The following DELE1 variants were observed in gnomAD, a reference collection of about 807,000 sequenced individuals.
DELE1 encodes death ligand signal enhancer.
A neutral mutation model predicts 59.3 loss-of-function variants in DELE1; 54 were observed. The ratio of observed to expected loss-of-function variants is 0.91; its 90% CI spans 0.73 to 1.14. The LOEUF is 1.14. DELE1 is among the 50% of genes most tolerant of loss of function. The pLI is 0.00. For missense variants in DELE1, 636 were observed against 643.9 expected (o/e 0.99, Z 0.13); for synonymous variants, 264 against 259.1 (o/e 1.02, Z -0.18).
chr5:141,937,834 T>C (rs1023511390), intron 11 of DELE1, among the ~76,000 whole-genome samples: 2 of 150,676 alleles, frequency 1.3e-5, no homozygotes, highest in Admixed American at 6.6e-5. Flanking sequence ...TTTTTTTTGT[T>C]TTTTTTTGAG....
chr5:141,934,742 G>A (rs976176336), intron 10 of DELE1, 156 bp downstream of exon 10: 8 of 694,344 alleles, frequency 1.2e-5, no homozygotes, highest in East Asian at 2.7e-5. Flanking sequence ...CTGTGTGACC[G>A]TTGGGCAGTT....
Position 141,936,775 on chromosome 5 carries a change from G to A in DELE1, c.1150-423G>A, listed in dbSNP as rs536417189. 1.5e-5 allele frequency: 10 copies of A among 670,208 alleles called. No homozygotes were observed. In the South Asian group the frequency reaches 6.7e-4, roughly 45 times the overall value. The allele number at this position is 670,208 out of a possible 1,614,324, so 41.5% of individuals were successfully genotyped here. A position where few individuals can be genotyped will look rare whatever the true frequency, so the allele number is the denominator to read the frequency against. ...AGGAGAAGAGTTTCCTTTTCTGTCA[G>A]CCCTCCCAGGCAGAGATTCAGGAAG... is the stretch of plus-strand genomic sequence containing the variant. On this transcript the variant is annotated intron_variant, in intron 10 of 11. Coordinates refer to ENST00000432126, the MANE Select transcript of DELE1 (RefSeq NM_014773.5).
At chr5:141,924,105 C>A in intron 1 of DELE1, 133 bp downstream of exon 1, 1 of 1,211,308 alleles carries the variant, frequency 8.3e-7, no homozygotes, top group Non-Finnish European at 1.2e-6. Flanking sequence ...TGAAAGAGGG[C>A]GGGGAAGTCA....
At position 141,929,692 on chromosome 5, in the gene DELE1, TCA is replaced by T; in HGVS notation, c.528_529del (p.His176GlnfsTer13). ...AGCCTCAGCTCAGCCCCGGAACTTC[TCA>T]CACAACTCTTTGAGAGGAGCTCGTC... The part of the protein sequence containing the change: ...EEASAQPRNF[S>X]HNSLRGARPQ... On this transcript the variant is annotated frameshift_variant, in exon 5 of 12. Transcript: ENST00000432126. LOFTEE classifies it high-confidence loss of function. 1 of 1,614,140 alleles carries T rather than the reference TCA, an allele frequency of 6.2e-7. No homozygotes were observed. Among genetic ancestry groups the T allele is most frequent in the East Asian group, 2.2e-5 (1 of 44,872 alleles).
intron 1 of DELE1, 111 bp downstream of exon 1, chr5:141,924,083 G>C: frequency 7.1e-7 from 1 of 1,408,048 alleles, no homozygotes; most frequent in South Asian, 1.2e-5. Context: ...TAGAGCCAAG[G>C]AAGGCGGGGC....
At chr5:141,929,765 G>A (rs761254815) in intron 5 of DELE1, 25 bp downstream of exon 5, 2 of 1,612,838 alleles carry the variant, frequency 1.2e-6, no homozygotes, top group Non-Finnish European at 1.7e-6. Flanking sequence ...CATGGAATCA[G>A]CAGAAGGCAG....
intron 10 of DELE1, among the ~76,000 whole-genome samples, chr5:141,935,727 A>G (rs1020622228): frequency 3.4e-5 from 5 of 148,846 alleles, no homozygotes; most frequent in African/African-American, 1.3e-4. Flanking sequence ...GTGCAGGGCA[A>G]GACTGGGCAT....
At chr5:141,933,997 G>A in intron 8 of DELE1, 1 of 344,474 alleles carries the variant, frequency 2.9e-6, no homozygotes, top group South Asian at 5.7e-5. Flanking sequence ...ATATATGTGA[G>A]AAGATATTTG....
chr5:141,937,291 TC>T lies in DELE1; in HGVS notation c.1244del (p.Ser415Ter). ...LGEALRCYQQ[S>X]AALGNEAAQE... ...AGAGGCCTTGAGATGTTACCAGCAG[TC>T]AGCCGCTCTGGGAAATGAGGCCGCC... On this transcript the variant is annotated frameshift_variant, in exon 11 of 12. Coordinates refer to ENST00000432126, the MANE Select transcript of DELE1 (RefSeq NM_014773.5). LOFTEE classifies it high-confidence loss of function. 6.2e-7 allele frequency: 1 copy of T among 1,614,180 alleles called. No individual in the cohort carries two copies. The highest frequency in any genetic ancestry group is 8.5e-7 in the Non-Finnish European group (1 of 1,180,034).
intron 1 of DELE1, 98 bp downstream of exon 1, chr5:141,924,070 G>C (rs1304114096): frequency 6.7e-7 from 1 of 1,485,788 alleles, no homozygotes; most frequent in Non-Finnish European, 9.2e-7. Flanking sequence ...TCGTGGGCCG[G>C]GTTAGAGCCA....
At chr5:141,931,535 A>G (rs1455031517) in intron 7 of DELE1, among the ~76,000 whole-genome samples, 2 of 152,286 alleles carry the variant, frequency 1.3e-5, no homozygotes, top group African/African-American at 4.8e-5. Context: ...CCGGGGGGAA[A>G]AAGGAGACGA....
rs1752677010 is a variant in DELE1, at chr5:141,940,526, C to T, written c.*1767C>T. The T allele has an allele frequency of 4.1e-6, 4 of 985,302 alleles. No homozygotes were observed. Among genetic ancestry groups the T allele is most frequent in the African/African-American group, 3.5e-5 (2 of 57,230 alleles). 61.0% of individuals were successfully genotyped at this position (985,302 alleles called of 1,614,324 possible). A position where few individuals can be genotyped will look rare whatever the true frequency, so the allele number is the denominator to read the frequency against. On this transcript the variant is annotated 3_prime_UTR_variant, in exon 12 of 12. Coordinates refer to ENST00000432126, the MANE Select transcript of DELE1 (RefSeq NM_014773.5). ...AGATTTGAGGGGGGAAAGTTGTCCACGTTTCCCTCTCTGCTTCCCACCCCA... is the reference window on the plus strand; with the variant it reads ...AGATTTGAGGGGGGAAAGTTGTCCATGTTTCCCTCTCTGCTTCCCACCCCA...
chr5:141,940,566 T>C lies in DELE1; in HGVS notation c.*1807T>C, dbSNP rs1198359064. ...TTCCCACCCCATCTCTCTCAACTTCTTAGTGGTCCTGCCATACTTTCCTAG... is the reference window on the plus strand; with the variant it reads ...TTCCCACCCCATCTCTCTCAACTTCCTAGTGGTCCTGCCATACTTTCCTAG... On this transcript the variant is annotated 3_prime_UTR_variant, in exon 12 of 12. Transcript: ENST00000432126. 1 of 985,404 alleles carries C rather than the reference T, an allele frequency of 1.0e-6. No individual in the cohort carries two copies. The highest frequency in any genetic ancestry group is 1.2e-6 in the Non-Finnish European group (1 of 829,974). The allele number at this position is 985,404 out of a possible 1,614,324, so 61.0% of individuals were successfully genotyped here.
At chr5:141,929,889 A>G (rs1370769662) in intron 5 of DELE1, 100 bp from the exon 6 acceptor site, 9 of 1,513,830 alleles carry the variant, frequency 5.9e-6, no homozygotes, top group Non-Finnish European at 8.2e-6. Context: ...GGTTCCTGGC[A>G]AGGGTGCTGG....
chr5:141,933,778 G>A (rs1752130753), intron 8 of DELE1: 1 of 158,566 alleles, frequency 6.3e-6, no homozygotes, highest in African/African-American at 2.4e-5. Context: ...ATGGAAAACT[G>A]GTTAATTACA....
chr5:141,925,401 A>G lies in DELE1; in HGVS notation c.147-9A>G, dbSNP rs759013281. 3 of 1,548,922 alleles carry G rather than the reference A, an allele frequency of 1.9e-6. No individual in the cohort carries two copies. Among genetic ancestry groups the G allele is most frequent in the Non-Finnish European group, 2.6e-6 (3 of 1,145,154 alleles). On this transcript the variant is annotated splice_polypyrimidine_tract_variant and intron_variant, in intron 2 of 11. Coordinates refer to ENST00000432126, the MANE Select transcript of DELE1 (RefSeq NM_014773.5). The stretch of plus-strand genomic sequence containing the variant: ...CCCCTACTTGATAGCCTCTTATTTC[A>G]TCATCTAGGTCAGGTCCCCATGGCC...
At chr5:141,927,933 G>A (rs1751550856) in intron 3 of DELE1, among the ~76,000 whole-genome samples, 1 of 149,752 alleles carries the variant, frequency 6.7e-6, no homozygotes, top group African/African-American at 2.6e-5. Flanking sequence ...CGTGCTTATA[G>A]ACTAACAGGA....
At chr5:141,927,092 A>C (rs1751483660) in intron 3 of DELE1, among the ~76,000 whole-genome samples, 1 of 152,168 alleles carries the variant, frequency 6.6e-6, no homozygotes, top group African/African-American at 2.4e-5. Flanking sequence ...CATCACTAGT[A>C]ATTACTCTAT....
chr5:141,937,162 T>G, intron 10 of DELE1, 36 bp from the exon 11 acceptor site: 1 of 1,611,276 alleles, frequency 6.2e-7, no homozygotes, highest in Non-Finnish European at 8.5e-7. Context: ...CATTCCTGCA[T>G]GTGTGTATCT....
Sources: allele counts gnomAD v4.1 joint callset (sites outside exome capture counted in the v4.1 genomes callset), GRCh38; gene constraint gnomAD v4.1.1; transcripts MANE v1.5; gene names NCBI Gene and HGNC (gene_info 2026-07-23, HGNC 2026-07-21).